RNF224: variants seen among roughly 807,000 people sequenced by gnomAD.
The protein encoded by RNF224 is ring finger protein 224.
RNF224 carries 1 observed loss-of-function variant against 2.9 expected under a neutral mutation model. The ratio of observed to expected loss-of-function variants is 0.35; its 90% CI spans 0.12 to 1.66. The LOEUF (loss-of-function observed/expected upper bound fraction) is 1.66, where lower values mean the gene tolerates loss of function less well. Among genes scored for constraint, RNF224 ranks in the 40% most tolerant of loss-of-function variants. The pLI is 0.35. For missense variants in RNF224, 254 were observed against 221.8 expected (o/e 1.15, Z -0.92); for synonymous variants, 116 against 97.6 (o/e 1.19, Z -1.11).
chr9:137,229,017 C>T lies in RNF224; in HGVS notation c.402C>T (p.Pro134=). The change falls in exon 3 of 3, where the codon CCC becomes CCT. Residue 134 remains proline, a synonymous_variant. Transcript: ENST00000445101. ...CPALGPQPHF[P]QPRYCCWGCG... ...CCCTGGGACCCCAGCCCCACTTCCCCCAGCCCAGATACTGCTGCTGGGGCT... is the reference window on the plus strand; with the variant it reads ...CCCTGGGACCCCAGCCCCACTTCCCTCAGCCCAGATACTGCTGCTGGGGCT... 1 of 1,535,494 alleles carries T rather than the reference C, an allele frequency of 6.5e-7. No homozygotes were observed. Among genetic ancestry groups the T allele is most frequent in the Non-Finnish European group, 8.7e-7 (1 of 1,146,694 alleles).
intron 1 of RNF224, 94 bp from the exon 2 acceptor site, chr9:137,228,058 T>C: frequency 2.3e-6 from 1 of 436,862 alleles, no homozygotes; most frequent in African/African-American, 2.7e-5. Context: ...CCAGCCTGGA[T>C]AAGGTGTTAG....
Position 137,228,166 on chromosome 9 carries a change from C to G in RNF224, c.-170C>G, listed in dbSNP as rs1436088491. ...GGTGCCGTTAGATCTAGTTTCAAGG[C>G]TTTGTGGCTGAAACGGGAGCCCACG... On this transcript the variant is annotated 5_prime_UTR_variant, in exon 2 of 3. Coordinates refer to ENST00000445101, the MANE Select transcript of RNF224 (RefSeq NM_001190228.2). 1.6e-6 allele frequency: 1 copy of G among 616,048 alleles called. No homozygotes were observed. The highest frequency in any genetic ancestry group is 1.9e-5 in the African/African-American group (1 of 52,180). 38.2% of individuals were successfully genotyped at this position (616,048 alleles called of 1,614,324 possible). A position where few individuals can be genotyped will look rare whatever the true frequency, so the allele number is the denominator to read the frequency against.
In RNF224 at chr9:137,228,934, C is replaced by T. The variant is rs1207653201; in HGVS notation, c.319C>T (p.Pro107Ser). The T allele has an allele frequency of 5.9e-6, 9 of 1,535,746 alleles. No homozygotes were observed. In the East Asian group the frequency reaches 1.7e-4, roughly 29 times the overall value. The stretch of plus-strand genomic sequence containing the variant: ...GGAGCCGGCAAGACTAGAACCCCTG[C>T]CCCTCACCTCCCTCAAAGGCAGCGC... ...EREPARLEPLPLTSLKGSAIT... is the reference protein window; with the variant it reads ...EREPARLEPLSLTSLKGSAIT... The change falls in exon 3 of 3, where the codon CCC becomes TCC. Residue 107 changes from proline to serine, a missense_variant. Coordinates refer to ENST00000445101, the MANE Select transcript of RNF224 (RefSeq NM_001190228.2).
intron 2 of RNF224, 84 bp downstream of exon 2, chr9:137,228,425 C>T (rs1256056633): frequency 1.1e-5 from 14 of 1,306,470 alleles, no homozygotes; most frequent in South Asian, 1.5e-5. Context: ...GGAGGCTGCC[C>T]GGCTGGTGCC....
Position 137,229,151 on chromosome 9 carries a change from AT to A in RNF224, c.*66del, listed in dbSNP as rs1554781857. 1.0e-6 allele frequency: 1 copy of A among 961,524 alleles called. No individual in the cohort carries two copies. Among genetic ancestry groups the A allele is most frequent in the African/African-American group, 1.6e-5 (1 of 61,758 alleles). 59.6% of individuals were successfully genotyped at this position (961,524 alleles called of 1,614,324 possible). A position where few individuals can be genotyped will look rare whatever the true frequency, so the allele number is the denominator to read the frequency against. The stretch of plus-strand genomic sequence containing the variant: ...TTGGAACCCCTGACCACACACCATC[AT>A]GGGTTCAGCCCACTCAGAACAACCT... On this transcript the variant is annotated 3_prime_UTR_variant, in exon 3 of 3. Coordinates refer to ENST00000445101, the MANE Select transcript of RNF224 (RefSeq NM_001190228.2).
At position 137,228,748 on chromosome 9, in the gene RNF224, C is replaced by T; in HGVS notation, c.133C>T (p.His45Tyr). The T allele has an allele frequency of 6.5e-7, 1 of 1,532,992 alleles. No homozygotes were observed. Among genetic ancestry groups the T allele is most frequent in the Non-Finnish European group, 8.7e-7 (1 of 1,145,138 alleles). 95.0% of individuals were successfully genotyped at this position (1,532,992 alleles called of 1,614,324 possible). A position where few individuals can be genotyped will look rare whatever the true frequency, so the allele number is the denominator to read the frequency against. ...GHLPRRLYCG[H>Y]TFCQACVRRL... ...CCTGCCCCGCCGCCTCTACTGTGGA[C>T]ACACCTTCTGCCAGGCGTGTGTGCG... Residue 45 changes from histidine to tyrosine, a missense_variant, in exon 3 of 3, where the codon CAC becomes TAC. By Grantham distance (83) the His-to-Tyr change is moderately conservative (BLOSUM62 2). Transcript: ENST00000445101.
rs1026199055 is a variant in RNF224, at chr9:137,228,192, C to T, written c.-144C>T. On this transcript the variant is annotated 5_prime_UTR_variant, in exon 2 of 3. Coordinates refer to ENST00000445101, the MANE Select transcript of RNF224 (RefSeq NM_001190228.2). ...TTTGTGGCTGAAACGGGAGCCCACG[C>T]CCGCCACAGCTGGCCACCTGCCTCT... is the stretch of plus-strand genomic sequence containing the variant. The T allele has an allele frequency of 6.6e-5, 48 of 725,916 alleles. No homozygotes were observed. Among genetic ancestry groups the T allele is most frequent in the African/African-American group, 5.7e-4 (31 of 54,348 alleles). The allele number at this position is 725,916 out of a possible 1,614,324, so 45.0% of individuals were successfully genotyped here.
chr9:137,228,543 G>A (rs1028544262), intron 2 of RNF224, 79 bp from the exon 3 acceptor site: 2 of 1,237,822 alleles, frequency 1.6e-6, no homozygotes, highest in Non-Finnish European at 2.2e-6. Context: ...GACCTCTGGG[G>A]TGGGCTCCTG....
Position 137,229,327 on chromosome 9 carries a change from A to C in RNF224, c.*241A>C, listed in dbSNP as rs1588835627. The C allele has an allele frequency of 1.8e-6, 1 of 564,156 alleles. No homozygotes were observed. Among genetic ancestry groups the C allele is most frequent in the Non-Finnish European group, 3.2e-6 (1 of 314,986 alleles). The allele number at this position is 564,156 out of a possible 1,614,324, so 34.9% of individuals were successfully genotyped here. On this transcript the variant is annotated 3_prime_UTR_variant, in exon 3 of 3. Transcript: ENST00000445101. ...CACCTGTCCTGGCCACAATTACCAG[A>C]CCCCAGACTAGCCCGACCGGATGTG...
rs936553153 is a variant in RNF224, at chr9:137,228,277, G to A, written c.-59G>A. On this transcript the variant is annotated 5_prime_UTR_variant, in exon 2 of 3. Transcript: ENST00000445101. ...CAGGAGGGAGCCGCAGGGCGCCCTG[G>A]GTCCCCCACTCCCTTCTCCGGCCAC... The A allele has an allele frequency of 4.0e-5, 61 of 1,523,200 alleles. No homozygotes were observed. Among genetic ancestry groups the A allele is most frequent in the East Asian group, 1.5e-4 (6 of 39,874 alleles). The allele number at this position is 1,523,200 out of a possible 1,614,324, so 94.4% of individuals were successfully genotyped here.
chr9:137,228,991 G>A lies in RNF224; in HGVS notation c.376G>A (p.Ala126Thr), dbSNP rs1320619276. The stretch of plus-strand genomic sequence containing the variant: ...TCGGCAGCCAGCTGGGCTGTGCCCT[G>A]CCCTGGGACCCCAGCCCCACTTCCC... ...ITRQPAGLCP[A>T]LGPQPHFPQP... The change falls in exon 3 of 3, where the codon GCC (alanine) becomes ACC (threonine). Residue 126 changes from alanine (A) to threonine (T), a missense_variant. Coordinates refer to ENST00000445101, the MANE Select transcript of RNF224 (RefSeq NM_001190228.2). 4.6e-6 allele frequency: 7 copies of A among 1,535,478 alleles called. No individual in the cohort carries two copies. The highest frequency in any genetic ancestry group is 6.1e-6 in the Non-Finnish European group (7 of 1,146,638).
rs994442279 is a variant in RNF224, at chr9:137,228,190, C to A, written c.-146C>A. On this transcript the variant is annotated 5_prime_UTR_variant, in exon 2 of 3. Coordinates refer to ENST00000445101, the MANE Select transcript of RNF224 (RefSeq NM_001190228.2). Reference sequence around the variant, plus strand: ...GCTTTGTGGCTGAAACGGGAGCCCACGCCCGCCACAGCTGGCCACCTGCCT... The same window carrying A: ...GCTTTGTGGCTGAAACGGGAGCCCAAGCCCGCCACAGCTGGCCACCTGCCT... 6 of 712,976 alleles carry A rather than the reference C, an allele frequency of 8.4e-6. No homozygotes were observed. Among genetic ancestry groups the A allele is most frequent in the South Asian group, 1.8e-5 (1 of 56,608 alleles). The allele number at this position is 712,976 out of a possible 1,614,324, so 44.2% of individuals were successfully genotyped here.
Position 137,228,201 on chromosome 9 carries a change from G to C in RNF224, c.-135G>C, listed in dbSNP as rs972115545. The C allele has an allele frequency of 2.6e-5, 21 of 806,806 alleles. No homozygotes were observed. In the African/African-American group the frequency reaches 2.8e-4, roughly 11 times the overall value. 50.0% of individuals were successfully genotyped at this position (806,806 alleles called of 1,614,324 possible). On this transcript the variant is annotated 5_prime_UTR_variant, in exon 2 of 3. Transcript: ENST00000445101. ...GAAACGGGAGCCCACGCCCGCCACA[G>C]CTGGCCACCTGCCTCTCTCCTGACT...
intron 2 of RNF224, 53 bp downstream of exon 2, chr9:137,228,394 CA>C: frequency 7.0e-7 from 1 of 1,426,470 alleles, no homozygotes; most frequent in South Asian, 1.4e-5. Context: ...GGAGCTGGGC[CA>C]GGGTGGTGCT....
Position 137,228,616 on chromosome 9 carries a change from T to G in RNF224, c.7-6T>G. 7.0e-7 allele frequency: 1 copy of G among 1,437,662 alleles called. No homozygotes were observed. Among genetic ancestry groups the G allele is most frequent in the Non-Finnish European group, 9.1e-7 (1 of 1,097,796 alleles). The allele number at this position is 1,437,662 out of a possible 1,614,324, so 89.1% of individuals were successfully genotyped here. A position where few individuals can be genotyped will look rare whatever the true frequency, so the allele number is the denominator to read the frequency against. ...AGGCTGTCCACCGCTGGCTTCCCTC[T>G]GGCAGGATGCTGCAGCCGGAGGGCC... On this transcript the variant is annotated splice_polypyrimidine_tract_variant and splice_region_variant and intron_variant, in intron 2 of 2. Transcript: ENST00000445101.
At position 137,228,645 on chromosome 9, in the gene RNF224, A is replaced by G; in HGVS notation, c.30A>G (p.Pro10=). The G allele has an allele frequency of 6.9e-7, 1 of 1,447,808 alleles. No homozygotes were observed. 89.7% of individuals were successfully genotyped at this position (1,447,808 alleles called of 1,614,324 possible). A position where few individuals can be genotyped will look rare whatever the true frequency, so the allele number is the denominator to read the frequency against. The part of the protein sequence containing the change: MQDAAAGGP[P]GLGGGGPPEE... ...AGGATGCTGCAGCCGGAGGGCCCCC[A>G]GGCCTCGGAGGAGGGGGGCCCCCGG... Residue 10 remains proline, a synonymous_variant, in exon 3 of 3, where the codon CCA becomes CCG. Coordinates refer to ENST00000445101, the MANE Select transcript of RNF224 (RefSeq NM_001190228.2).
chr9:137,229,282 G>A lies in RNF224; in HGVS notation c.*196G>A, dbSNP rs114074604. The A allele has an allele frequency of 1.3e-3, 751 of 591,704 alleles. 5 individuals are homozygous for A. Among genetic ancestry groups the A allele is most frequent in the African/African-American group, 0.012 (643 of 53,844 alleles). The allele number at this position is 591,704 out of a possible 1,614,324, so 36.7% of individuals were successfully genotyped here. On this transcript the variant is annotated 3_prime_UTR_variant, in exon 3 of 3. Transcript: ENST00000445101. ...CTAAGGTTGGGGGCTGGGAGGCTCC[G>A]CAGGAGGCTGGTGACCTCCCACCTG...
Position 137,229,203 on chromosome 9 carries a change from C to T in RNF224, c.*117C>T, listed in dbSNP as rs934827433. The T allele has an allele frequency of 1.1e-5, 7 of 644,524 alleles. No homozygotes were observed. Among genetic ancestry groups the T allele is most frequent in the East Asian group, 5.5e-5 (2 of 36,480 alleles). The allele number at this position is 644,524 out of a possible 1,614,324, so 39.9% of individuals were successfully genotyped here. A position where few individuals can be genotyped will look rare whatever the true frequency, so the allele number is the denominator to read the frequency against. On this transcript the variant is annotated 3_prime_UTR_variant, in exon 3 of 3. Transcript: ENST00000445101. Reference sequence around the variant, plus strand: ...GGCAGTAGCATCCTATACGCAGCTTCGTGTGGCCCAGCAGGGTGGTGTCAT... The same window carrying T: ...GGCAGTAGCATCCTATACGCAGCTTTGTGTGGCCCAGCAGGGTGGTGTCAT...
In RNF224 at chr9:137,228,141, G is replaced by A. The variant is rs1352669230; in HGVS notation, c.-184-11G>A. On this transcript the variant is annotated splice_polypyrimidine_tract_variant and intron_variant, in intron 1 of 2. Coordinates refer to ENST00000445101, the MANE Select transcript of RNF224 (RefSeq NM_001190228.2). Reference sequence around the variant, plus strand: ...GGCACCTTATCTCTTGCAAGTGGGTGGTGCCGTTAGATCTAGTTTCAAGGC... The same window carrying A: ...GGCACCTTATCTCTTGCAAGTGGGTAGTGCCGTTAGATCTAGTTTCAAGGC... 5.2e-6 allele frequency: 3 copies of A among 574,304 alleles called. No individual in the cohort carries two copies. The highest frequency in any genetic ancestry group is 6.2e-6 in the Non-Finnish European group (2 of 323,940). The allele number at this position is 574,304 out of a possible 1,614,324, so 35.6% of individuals were successfully genotyped here. A position where few individuals can be genotyped will look rare whatever the true frequency, so the allele number is the denominator to read the frequency against.
Sources: allele counts gnomAD v4.1 joint callset, GRCh38; gene constraint gnomAD v4.1.1; transcripts MANE v1.5; gene names NCBI Gene and HGNC (gene_info 2026-07-23, HGNC 2026-07-21).